Variants in OSBPL5 observed in about 807,000 individuals in gnomAD.
OSBPL5 encodes the protein oxysterol binding protein like 5, also known as oxysterol-binding protein-related protein 5.
A neutral mutation model predicts 111.2 loss-of-function variants in OSBPL5; 71 were observed. That is an observed-to-expected ratio of 0.64 (90% CI 0.53 to 0.78). The LOEUF (loss-of-function observed/expected upper bound fraction) is 0.78. Among genes scored for constraint, OSBPL5 ranks in the 30% least tolerant of loss-of-function variants. The probability of loss-of-function intolerance (pLI) is 0.00; values close to 1 mark genes in which losing one functional copy is unlikely to be tolerated. For missense variants in OSBPL5, 1,210 were observed against 1,189.3 expected (o/e 1.02, Z -0.26); for synonymous variants, 549 against 513.9 (o/e 1.07, Z -0.93).
chr11:3,144,771 C>T (rs1460799505), intron 1 of OSBPL5, among the ~76,000 whole-genome samples: 4 of 152,276 alleles, frequency 2.6e-5, no homozygotes, highest in East Asian at 1.9e-4. Flanking sequence ...GGCGTCCCCA[C>T]GCTCAGGCAG....
At chr11:3,115,097 T>G (rs1858165249) in intron 7 of OSBPL5, among the ~76,000 whole-genome samples, 1 of 152,228 alleles carries the variant, frequency 6.6e-6, no homozygotes, top group Non-Finnish European at 1.5e-5. Context: ...CCTCAGGTTC[T>G]GTTTTTTTGT....
chr11:3,134,620 G>C (rs562068090), intron 1 of OSBPL5, among the ~76,000 whole-genome samples: 2 of 152,384 alleles, frequency 1.3e-5, no homozygotes, highest in East Asian at 3.9e-4. Flanking sequence ...GGAAAGGAGG[G>C]AGGGAGGCAC....
rs1313176476 is a variant in OSBPL5, at chr11:3,120,496, G to C, written c.531C>G (p.Ile177Met). 1 of 1,613,214 alleles carries C rather than the reference G, an allele frequency of 6.2e-7. No homozygotes were observed. Among genetic ancestry groups the C allele is most frequent in the Non-Finnish European group, 8.5e-7 (1 of 1,180,034 alleles). The change falls in exon 6 of 22, where the codon ATC becomes ATG. Residue 177 changes from isoleucine (I) to methionine (M), a missense_variant. Coordinates refer to ENST00000263650, the MANE Select transcript of OSBPL5 (RefSeq NM_020896.4). Reference protein sequence around the residue: ...GTVLLHCCELIERPSKKDGFC... With the variant: ...GTVLLHCCELMERPSKKDGFC... ...AGCCGTCCTTCTTGGAGGGCCGCTC[G>C]ATGAGCTCGCAGCAGTGCAGCAGCA...
At chr11:3,119,655 T>C in intron 6 of OSBPL5, 24 bp from the exon 7 acceptor site, 2 of 1,573,890 alleles carry the variant, frequency 1.3e-6, no homozygotes, top group African/African-American at 1.4e-5. Context: ...GATCTGGGTG[T>C]CACCCGAGGC....
chr11:3,149,308 TG>T (rs775240680), intron 1 of OSBPL5, among the ~76,000 whole-genome samples: 4 of 152,096 alleles, frequency 2.6e-5, no homozygotes, highest in African/African-American at 9.7e-5. Flanking sequence ...AGGCATGGGC[TG>T]GGGGGGCAGT....
chr11:3,101,390 C>G (rs1465133834), intron 13 of OSBPL5, among the ~76,000 whole-genome samples: 1 of 152,190 alleles, frequency 6.6e-6, no homozygotes, highest in Non-Finnish European at 1.5e-5. Flanking sequence ...AGCGTCCCTA[C>G]AAAAGGTGCC....
At chr11:3,103,214 C>T (rs200110271) in intron 11 of OSBPL5, 25 bp downstream of exon 11, 170 of 1,577,860 alleles carry the variant, frequency 1.1e-4, no homozygotes, top group Non-Finnish European at 5.2e-6. Flanking sequence ...CGGAGCCCCA[C>T]CCTCCCTGGC....
rs766113903 is a variant in OSBPL5 at position 3,090,572 on chromosome 11, C to T, written c.2384G>A (p.Gly795Asp). 3.7e-6 allele frequency: 6 copies of T among 1,612,866 alleles called. No homozygotes were observed. The highest frequency in any genetic ancestry group is 1.7e-4 in the Middle Eastern group (1 of 6,060). The change falls in exon 20 of 22, where the codon GGT becomes GAT. Residue 795 changes from glycine (G) to aspartate (D), a missense_variant. Transcript: ENST00000263650. ...CPELSDEEQDGDFVPGGESPC... is the reference protein window; with the variant it reads ...CPELSDEEQDDDFVPGGESPC... ...AGGGGGCTCACCAGGGACAAAGTCA[C>T]CATCCTGCTCCTCGTCTGAGAGCTC... is the stretch of plus-strand genomic sequence containing the variant.
At chr11:3,116,736 T>C (rs1036104543) in intron 7 of OSBPL5, among the ~76,000 whole-genome samples, 1 of 151,380 alleles carries the variant, frequency 6.6e-6, no homozygotes, top group Admixed American at 6.6e-5. Flanking sequence ...ATGCCTATAA[T>C]CCCAGCTACT....
At chr11:3,099,839 C>T (rs1441579608) in intron 14 of OSBPL5, among the ~76,000 whole-genome samples, 5 of 151,968 alleles carry the variant, frequency 3.3e-5, no homozygotes, top group Non-Finnish European at 4.4e-5. Flanking sequence ...GAGGCCGAGG[C>T]GGGCGGATCA....
chr11:3,107,193 T>C lies in OSBPL5; in HGVS notation c.1059+70A>G. 1 of 1,543,528 alleles carries C rather than the reference T, an allele frequency of 6.5e-7. No individual in the cohort carries two copies. Among genetic ancestry groups the C allele is most frequent in the South Asian group, 1.2e-5 (1 of 83,442 alleles). On this transcript the variant is annotated intron_variant, in intron 9 of 21. Coordinates refer to ENST00000263650, the MANE Select transcript of OSBPL5 (RefSeq NM_020896.4). The surrounding 1 kb of genome is among the most constrained non-coding windows in gnomAD (Gnocchi z 6.1). ...TGCTCCCCCTAGGATGAGGCATGGCTACCTCTGCTTCCGGAACAAGGGGCC... is the reference window on the plus strand; with the variant it reads ...TGCTCCCCCTAGGATGAGGCATGGCCACCTCTGCTTCCGGAACAAGGGGCC...
chr11:3,094,265 AAGT>A lies in OSBPL5; in HGVS notation c.1688_1690del (p.Asn563_Phe564delinsIle). 1 of 1,613,584 alleles carries A rather than the reference AAGT, an allele frequency of 6.2e-7. No individual in the cohort carries two copies. Among genetic ancestry groups the A allele is most frequent in the South Asian group, 1.1e-5 (1 of 91,068 alleles). ...GAGTTTGAATTCCAGCTGGGCCTGG[AAGT>A]TGTTCTTCGCACACTCGATGGTGAC... On this transcript the variant is annotated inframe_deletion, in exon 15 of 22. Transcript: ENST00000263650.
intron 1 of OSBPL5, among the ~76,000 whole-genome samples, chr11:3,131,732 A>G (rs1235793753): frequency 7.2e-6 from 1 of 139,102 alleles, no homozygotes; most frequent in Non-Finnish European, 1.6e-5. Context: ...CCATCCATCC[A>G]TCCTCCCAGG....
chr11:3,118,676 A>G (rs1590675632), intron 7 of OSBPL5, among the ~76,000 whole-genome samples: 1 of 143,058 alleles, frequency 7.0e-6, no homozygotes, highest in East Asian at 2.1e-4. Context: ...GGTTCAAGGG[A>G]TTCTCTTGCC....
intron 14 of OSBPL5, chr11:3,094,554 C>A: frequency 1.9e-6 from 1 of 516,276 alleles, no homozygotes; most frequent in Non-Finnish European, 3.5e-6. Context: ...CTGGGAGGTG[C>A]GGAGCCTGGG....
At chr11:3,120,140 C>T (rs1858351806) in intron 6 of OSBPL5, among the ~76,000 whole-genome samples, 1 of 152,152 alleles carries the variant, frequency 6.6e-6, no homozygotes, top group Non-Finnish European at 1.5e-5. Flanking sequence ...CCTCGGCCAC[C>T]CCTGGGGAGC....
In OSBPL5 at chr11:3,119,484, C is replaced by T; in HGVS notation, c.691+63G>A. 3 of 1,492,820 alleles carry T rather than the reference C, an allele frequency of 2.0e-6. No individual in the cohort carries two copies. The South Asian group carries it at 3.9e-5, about 20-fold the overall frequency. 92.5% of individuals were successfully genotyped at this position (1,492,820 alleles called of 1,614,324 possible). Reference sequence around the variant, plus strand: ...GGGCCACCTGTACCTGGGCTACAACCTCAAAAGGGGGCCCACTTCAGGTGG... The same window carrying T: ...GGGCCACCTGTACCTGGGCTACAACTTCAAAAGGGGGCCCACTTCAGGTGG... On this transcript the variant is annotated intron_variant, in intron 7 of 21. Coordinates refer to ENST00000263650, the MANE Select transcript of OSBPL5 (RefSeq NM_020896.4).
Position 3,154,610 on chromosome 11 carries a change from C to T in OSBPL5, c.-22+10606G>A, listed in dbSNP as rs1210765136. Among the ~76,000 whole-genome samples the T allele has an allele frequency of 6.6e-6, 1 of 152,172 alleles. No homozygotes were observed. Among genetic ancestry groups the T allele is most frequent in the Admixed American group, 6.5e-5 (1 of 15,278 alleles). On this transcript the variant is annotated intron_variant, in intron 1 of 21. Coordinates refer to ENST00000263650, the MANE Select transcript of OSBPL5 (RefSeq NM_020896.4). The surrounding 1 kb of genome is among the most constrained non-coding windows in gnomAD (Gnocchi z 4.9). ...AATCTTACTCCGGGCAAATGCTGGG[C>T]CCTCACAGGGGATAAAAACAGAACC...
chr11:3,103,822 A>T (rs111960552), intron 10 of OSBPL5, among the ~76,000 whole-genome samples: 3 of 43,782 alleles, frequency 6.9e-5, no homozygotes, highest in South Asian at 6.9e-4. Context: ...CTGCCTGCGC[A>T]GCCCCCTTCC....
Sources: gnomAD v4.1 joint callset for allele counts (sites outside exome capture counted in the v4.1 genomes callset) on GRCh38, gnomAD v4.1.1 for gene constraint, Gnocchi (gnomAD v3.1) non-coding constraint, MANE v1.5 for transcripts, NCBI Gene and HGNC (gene_info 2026-07-23, HGNC 2026-07-21) for gene names.